TMC7: variants seen among roughly 807,000 people sequenced by gnomAD.
TMC7 encodes the protein transmembrane channel-like protein 7.
TMC7 carries 54 observed loss-of-function variants against 82.9 expected under a neutral mutation model. The ratio of observed to expected loss-of-function variants is 0.65; its 90% CI spans 0.52 to 0.82. The LOEUF is 0.82. Ranked by LOEUF, TMC7 falls within the 40% of genes least tolerant of loss-of-function variation. The pLI is 0.00. For synonymous variants in TMC7, 350 were observed against 337.9 expected (o/e 1.04, Z -0.39); for missense variants, 820 against 901.2 (o/e 0.91, Z 1.15).
At chr16:19,021,980 T>C (rs1286934578) in intron 4 of TMC7, among the ~76,000 whole-genome samples, 184 bp downstream of exon 4, 2 of 152,154 alleles carry the variant, frequency 1.3e-5, no homozygotes, top group African/African-American at 4.8e-5. Context: ...AATAACAGCA[T>C]GCAGGCACGA....
chr16:19,006,303 C>G (rs565497885), intron 1 of TMC7, among the ~76,000 whole-genome samples: 2 of 151,802 alleles, frequency 1.3e-5, no homozygotes, highest in Non-Finnish European at 2.9e-5. Context: ...TGGGTTCAAG[C>G]GATCCTAAAT....
chr16:19,050,525 C>T (rs974568585), intron 12 of TMC7, among the ~76,000 whole-genome samples: 5 of 151,944 alleles, frequency 3.3e-5, no homozygotes, highest in Non-Finnish European at 5.9e-5. Flanking sequence ...GGGTCTCACC[C>T]AGACTTAGGG....
chr16:19,013,329 C>T lies in TMC7; in HGVS notation c.312-3121C>T, dbSNP rs532203627. 2.6e-5 allele frequency among the ~76,000 whole-genome samples: 4 copies of T among 152,050 alleles called. No individual in the cohort carries two copies. The East Asian group carries it at 7.8e-4, about 29-fold the overall frequency. ...TGCCTCCCGGGTTCAAGCGATTCTCCTGCCTCAGCCTCCCTAGTAGCTGGG... is the reference window on the plus strand; with the variant it reads ...TGCCTCCCGGGTTCAAGCGATTCTCTTGCCTCAGCCTCCCTAGTAGCTGGG... On this transcript the variant is annotated intron_variant, in intron 2 of 15. Transcript: ENST00000304381.
At chr16:19,011,916 T>C (rs1358404455) in intron 2 of TMC7, among the ~76,000 whole-genome samples, 1 of 151,956 alleles carries the variant, frequency 6.6e-6, no homozygotes, top group Non-Finnish European at 1.5e-5. Flanking sequence ...CTGAGGCAGG[T>C]GGATCACTTG....
At chr16:19,003,858 A>C (rs1447534861) in intron 1 of TMC7, among the ~76,000 whole-genome samples, 2 of 108,758 alleles carry the variant, frequency 1.8e-5, no homozygotes, top group African/African-American at 7.2e-5. Context: ...GTCATCACCA[A>C]TCCCTAATCT....
At chr16:19,054,226 T>G (rs1000205928) in intron 13 of TMC7, among the ~76,000 whole-genome samples, 2 of 152,186 alleles carry the variant, frequency 1.3e-5, no homozygotes, top group South Asian at 4.1e-4. Flanking sequence ...TTTTCTCTCC[T>G]TTTCATTTTG....
intron 3 of TMC7, among the ~76,000 whole-genome samples, chr16:19,018,228 C>T (rs1959797916): frequency 6.6e-6 from 1 of 152,190 alleles, no homozygotes; most frequent in Non-Finnish European, 1.5e-5. Context: ...TTCCTGTGGC[C>T]CTGAAAATAC....
At chr16:19,024,898 C>T (rs887417196) in intron 5 of TMC7, among the ~76,000 whole-genome samples, 7 of 152,028 alleles carry the variant, frequency 4.6e-5, no homozygotes, top group Admixed American at 2.0e-4. Context: ...CCCAGCTACT[C>T]GGGAGGCTGA....
chr16:19,020,437 AAAG>A (rs1429098993), intron 3 of TMC7, among the ~76,000 whole-genome samples: 20 of 152,326 alleles, frequency 1.3e-4, no homozygotes, highest in African/African-American at 4.8e-4. Context: ...AGATAATTAA[AAAG>A]AACTATTAAT....
rs181949425 is a variant in TMC7, at chr16:19,010,396, C to T, written c.311+981C>T. On this transcript the variant is annotated intron_variant, in intron 2 of 15. Coordinates refer to ENST00000304381, the MANE Select transcript of TMC7 (RefSeq NM_024847.4). ...CTCGACCTCCTGACCTCAGGTGATC[C>T]GCCCGCCTTGGCCTCCCAAAGTGCT... 9.9e-4 allele frequency among the ~76,000 whole-genome samples: 151 copies of T among 152,098 alleles called. 1 individual carries two copies. The highest frequency in any genetic ancestry group is 8.5e-3 in the South Asian group (41 of 4,816).
At chr16:19,057,693 A>C (rs755057712) in intron 14 of TMC7, among the ~76,000 whole-genome samples, 2 of 152,244 alleles carry the variant, frequency 1.3e-5, no homozygotes, top group Non-Finnish European at 1.5e-5. Flanking sequence ...ATCTGACTTA[A>C]GTATCTCAGG....
At chr16:19,035,531 A>G in intron 6 of TMC7, 145 bp from the exon 7 acceptor site, 1 of 857,250 alleles carries the variant, frequency 1.2e-6, no homozygotes, top group South Asian at 1.6e-5. Flanking sequence ...TGCCACATAT[A>G]TTTAGAATGG....
At chr16:19,050,502 CT>C (rs1946664444) in intron 12 of TMC7, among the ~76,000 whole-genome samples, 1 of 147,800 alleles carries the variant, frequency 6.8e-6, no homozygotes, top group Non-Finnish European at 1.5e-5. Flanking sequence ...CTTCTTTTTT[CT>C]TTTTTGAGAC....
chr16:18,995,099 G>A (rs2039020847), intron 1 of TMC7, among the ~76,000 whole-genome samples: 2 of 152,138 alleles, frequency 1.3e-5, no homozygotes, highest in African/African-American at 2.4e-5. Context: ...TAGTTAAAAT[G>A]TCTCATCCTA....
At chr16:18,986,268 AC>A (rs2038846496) in intron 1 of TMC7, among the ~76,000 whole-genome samples, 1 of 150,472 alleles carries the variant, frequency 6.6e-6, no homozygotes, top group Non-Finnish European at 1.5e-5. Flanking sequence ...GGTGGCATGC[AC>A]CTGTAGTCCC....
chr16:19,055,584 C>T (rs1193977255), intron 13 of TMC7, among the ~76,000 whole-genome samples: 1 of 152,200 alleles, frequency 6.6e-6, no homozygotes, highest in East Asian at 1.9e-4. Context: ...CCTCCATCTC[C>T]TGACCTCATG....
intron 3 of TMC7, among the ~76,000 whole-genome samples, chr16:19,018,014 C>T (rs1395521059): frequency 6.6e-6 from 1 of 151,916 alleles, no homozygotes; most frequent in Non-Finnish European, 1.5e-5. Flanking sequence ...GCTATATGCC[C>T]ATAGTCCCAG....
intron 1 of TMC7, among the ~76,000 whole-genome samples, chr16:18,990,768 G>C (rs1169391410): frequency 6.6e-6 from 1 of 152,144 alleles, no homozygotes; most frequent in Non-Finnish European, 1.5e-5. Context: ...ACTTCTTAAG[G>C]GTGGGGGAGA....
In TMC7 at chr16:18,983,943, T is replaced by G; in HGVS notation, c.-121T>G. On this transcript the variant is annotated 5_prime_UTR_variant, in exon 1 of 16. Transcript: ENST00000304381. Reference sequence around the variant, plus strand: ...CTCGCGGGGGCGCCCCACTCCGGCTTCTGTGATGTCAGCGCCGGAACCTGG... The same window carrying G: ...CTCGCGGGGGCGCCCCACTCCGGCTGCTGTGATGTCAGCGCCGGAACCTGG... 1 of 1,104,802 alleles carries G rather than the reference T, an allele frequency of 9.1e-7. No individual in the cohort carries two copies. The highest frequency in any genetic ancestry group is 1.2e-6 in the Non-Finnish European group (1 of 843,198). The allele number at this position is 1,104,802 out of a possible 1,614,324, so 68.4% of individuals were successfully genotyped here.
Sources: gnomAD v4.1 joint callset for allele counts (sites outside exome capture counted in the v4.1 genomes callset) on GRCh38, gnomAD v4.1.1 for gene constraint, MANE v1.5 for transcripts, NCBI Gene and HGNC (gene_info 2026-07-23, HGNC 2026-07-21) for gene names.